The following INTS6 variants were observed in gnomAD, a reference collection of about 807,000 sequenced individuals.
INTS6 encodes the protein integrator complex subunit 6.
INTS6 carries 16 observed loss-of-function variants against 104.9 expected under a neutral mutation model. The ratio of observed to expected loss-of-function variants is 0.15; its 90% CI spans 0.10 to 0.23. INTS6 has a LOEUF of 0.23. INTS6 is among the 10% of genes least tolerant of loss of function. INTS6 has a pLI of 1.00. For missense variants in INTS6, 584 were observed against 1,062.8 expected, an observed-to-expected ratio of 0.55 and a Z score of 6.26; for synonymous variants, 324 against 358.7, an observed-to-expected ratio of 0.90 and a Z score of 1.09.
At chr13:51,389,110 G>A (rs1022144660) in intron 6 of INTS6, among the ~76,000 whole-genome samples, 3 of 152,144 alleles carry the variant, frequency 2.0e-5, no homozygotes, top group African/African-American at 7.2e-5. Flanking sequence ...TCAGGCAATA[G>A]ACAATCATTA....
chr13:51,427,633 A>G (rs1017210014), intron 4 of INTS6, among the ~76,000 whole-genome samples: 2 of 152,074 alleles, frequency 1.3e-5, no homozygotes, highest in African/African-American at 4.8e-5. Context: ...CCTTGAAACA[A>G]CTCACCGGCC....
chr13:51,406,523 C>T lies in INTS6; in HGVS notation c.430-11040G>A, dbSNP rs115945037. 1.3e-3 allele frequency among the ~76,000 whole-genome samples: 205 copies of T among 152,264 alleles called. 1 individual carries two copies. The highest frequency in any genetic ancestry group is 4.8e-3 in the African/African-American group (199 of 41,546). ...CAGCAGGTTTTACTGATTTAACCTC[C>T]TAAGTATCTCTTGAAACTGAAACTC... On this transcript the variant is annotated intron_variant, in intron 4 of 17. Transcript: ENST00000311234.
At chr13:51,399,439 T>C (rs186847790) in intron 4 of INTS6, among the ~76,000 whole-genome samples, 4 of 152,338 alleles carry the variant, frequency 2.6e-5, no homozygotes, top group Non-Finnish European at 5.9e-5. Flanking sequence ...ATTATCCTTT[T>C]GAATTGTTTG....
rs556117779 is a variant in INTS6, at chr13:51,393,040, A to G, written c.613+2260T>C. 7.2e-5 allele frequency among the ~76,000 whole-genome samples: 11 copies of G among 152,274 alleles called. No individual in the cohort carries two copies. The South Asian group carries it at 2.3e-3, about 32-fold the overall frequency. ...CATGAATTACTCCATAATGGGAAAA[A>G]TAAATGTACACAAATACACACATAA... On this transcript the variant is annotated intron_variant, in intron 5 of 17. Transcript: ENST00000311234.
chr13:51,360,006 G>A (rs915935198), downstream of INTS6, among the ~76,000 whole-genome samples: 1 of 151,998 alleles, frequency 6.6e-6, no homozygotes, highest in African/African-American at 2.4e-5. Flanking sequence ...CTTCACTGAT[G>A]CTGGAAAATA....
rs550409526 is a variant in INTS6, at chr13:51,365,504, T to A, written c.*248A>T. Reference sequence around the variant, plus strand: ...CAAGAGTCAATGACAAGCAAGAGATTTGGAGGAATATTTTTAGTTTGTTAA... The same window carrying A: ...CAAGAGTCAATGACAAGCAAGAGATATGGAGGAATATTTTTAGTTTGTTAA... On this transcript the variant is annotated 3_prime_UTR_variant, in exon 18 of 18. Coordinates refer to ENST00000311234, the MANE Select transcript of INTS6 (RefSeq NM_012141.3). 7.6e-5 allele frequency: 17 copies of A among 222,328 alleles called. No individual in the cohort carries two copies. In the East Asian group the frequency reaches 1.5e-3, roughly 20 times the overall value. 13.8% of individuals were successfully genotyped at this position (222,328 alleles called of 1,614,324 possible).
At chr13:51,340,473 T>A in the INTS6 span, among the ~76,000 whole-genome samples, 1 of 152,138 alleles carries the variant, frequency 6.6e-6, no homozygotes, top group Non-Finnish European at 1.5e-5. Flanking sequence ...TTCTCAAAAT[T>A]TTATATACCA....
intron 4 of INTS6, among the ~76,000 whole-genome samples, chr13:51,416,679 T>G (rs1956793216): frequency 6.6e-6 from 1 of 152,234 alleles, no homozygotes; most frequent in Non-Finnish European, 1.5e-5. Flanking sequence ...GACATTAATA[T>G]GATGTTCACT....
intron 12 of INTS6, among the ~76,000 whole-genome samples, chr13:51,377,508 T>A (rs912047896): frequency 1.3e-5 from 2 of 152,150 alleles, no homozygotes; most frequent in Non-Finnish European, 2.9e-5. Context: ...TCAAATAATA[T>A]GAGGTAATGG....
chr13:51,427,895 T>C (rs1044944895), intron 4 of INTS6, among the ~76,000 whole-genome samples: 19 of 152,334 alleles, frequency 1.2e-4, no homozygotes, highest in Admixed American at 1.2e-3. Context: ...CAAGGTAGTT[T>C]CAGGTTATAA....
downstream of INTS6, among the ~76,000 whole-genome samples, chr13:51,353,252 ATATT>A (rs1299209762): frequency 6.6e-6 from 1 of 152,202 alleles, no homozygotes; most frequent in South Asian, 2.1e-4. Flanking sequence ...CACCATAATC[ATATT>A]TAGTTTCAAA....
Position 51,374,090 on chromosome 13 carries a change from C to T in INTS6, c.2104+118G>A, listed in dbSNP as rs1045154048. Reference sequence around the variant, plus strand: ...TGCTCATTTAAACAAATTTTCTATACATTCATTCACTCATTGTACTACTAA... The same window carrying T: ...TGCTCATTTAAACAAATTTTCTATATATTCATTCACTCATTGTACTACTAA... On this transcript the variant is annotated intron_variant, in intron 15 of 17. Transcript: ENST00000311234. The T allele has an allele frequency of 7.0e-6, 5 of 711,002 alleles. No homozygotes were observed. In the Admixed American group the frequency reaches 1.4e-4, roughly 20 times the overall value. The allele number at this position is 711,002 out of a possible 1,614,324, so 44.0% of individuals were successfully genotyped here.
intron 4 of INTS6, among the ~76,000 whole-genome samples, chr13:51,426,949 C>T (rs1204674990): frequency 1.3e-5 from 2 of 152,018 alleles, no homozygotes; most frequent in African/African-American, 4.8e-5. Flanking sequence ...AATGTTATAA[C>T]CTAAGCAAAT....
the INTS6 span, chr13:51,340,966 G>T: frequency 9.1e-7 from 1 of 1,097,140 alleles, no homozygotes; most frequent in Non-Finnish European, 1.3e-6. Flanking sequence ...TCCCTCAGCC[G>T]TCCCTAGCCC....
chr13:51,347,725 C>T, the INTS6 span, among the ~76,000 whole-genome samples: 5 of 152,300 alleles, frequency 3.3e-5, no homozygotes, highest in South Asian at 2.1e-4. Flanking sequence ...AATTTCCTGA[C>T]GTCCTTCTCT....
At position 51,389,443 on chromosome 13, in the gene INTS6, G is replaced by T. The variant is rs150986287; in HGVS notation, c.615C>A (p.Gly205=). The change falls in exon 6 of 18, where the codon GGC becomes GGA. Residue 205 remains glycine, a splice_region_variant and synonymous_variant. Coordinates refer to ENST00000311234, the MANE Select transcript of INTS6 (RefSeq NM_012141.3). Reference sequence around the variant, plus strand: ...TTGGAGAACACACAGAATATGAACGGCCTGAGATTAAAAAAAAGAAGAAGA... The same window carrying T: ...TTGGAGAACACACAGAATATGAACGTCCTGAGATTAAAAAAAAGAAGAAGA... ...AITPMCEVTG[G]RSYSVCSPRM... The T allele has an allele frequency of 5.7e-6, 9 of 1,588,666 alleles. No homozygotes were observed. The highest frequency in any genetic ancestry group is 3.7e-5 in the Admixed American group (2 of 54,088).
downstream of INTS6, chr13:51,361,182 T>C (rs1299984801): frequency 1.2e-6 from 1 of 819,616 alleles, no homozygotes; most frequent in East Asian, 2.7e-5. Flanking sequence ...CATTGGATAC[T>C]ATAAATTTTG....
intron 6 of INTS6, among the ~76,000 whole-genome samples, chr13:51,388,522 T>C (rs912176142): frequency 3.3e-5 from 5 of 152,126 alleles, no homozygotes; most frequent in South Asian, 4.1e-4. Flanking sequence ...GCCTCCCGAG[T>C]AGCTGGGATC....
At chr13:51,375,001 C>T (rs1014215469) in intron 13 of INTS6, among the ~76,000 whole-genome samples, 7 of 151,942 alleles carry the variant, frequency 4.6e-5, no homozygotes, top group African/African-American at 1.7e-4. Context: ...CTAAACAAAA[C>T]AAAAATTGCC....
Sources: gnomAD v4.1 joint callset for allele counts (sites outside exome capture counted in the v4.1 genomes callset) on GRCh38, gnomAD v4.1.1 for gene constraint, MANE v1.5 for transcripts, NCBI Gene and HGNC (gene_info 2026-07-23, HGNC 2026-07-21) for gene names.